Variants in LHFPL3 observed in about 807,000 individuals in gnomAD.
LHFPL3 encodes the protein LHFPL tetraspan subfamily member 3.
LHFPL3 carries 5 observed loss-of-function variants against 19.3 expected under a neutral mutation model. The ratio of observed to expected loss-of-function variants is 0.26; its 90% CI spans 0.14 to 0.54. LHFPL3 has a LOEUF of 0.54. Among genes scored for constraint, LHFPL3 ranks in the 20% least tolerant of loss-of-function variants. LHFPL3 has a pLI of 0.94. For synonymous variants in LHFPL3, 133 were observed against 126.2 expected, an observed-to-expected ratio of 1.05 and a Z score of -0.36; for missense variants, 249 against 307.4, an observed-to-expected ratio of 0.81 and a Z score of 1.42.
At chr7:104,383,326 T>G (rs981387776) in intron 1 of LHFPL3, among the ~76,000 whole-genome samples, 2 of 152,206 alleles carry the variant, frequency 1.3e-5, no homozygotes, top group Admixed American at 6.5e-5. Flanking sequence ...GGACCGTCAG[T>G]GCCTCTCACA....
At chr7:104,777,750 C>T (rs987094788) in intron 2 of LHFPL3, among the ~76,000 whole-genome samples, 8 of 152,022 alleles carry the variant, frequency 5.3e-5, no homozygotes, top group African/African-American at 1.7e-4. Flanking sequence ...CATTGATGAA[C>T]TTCTTTTTTT....
intron 1 of LHFPL3, among the ~76,000 whole-genome samples, chr7:104,524,541 T>C (rs1337730217): frequency 3.3e-5 from 5 of 152,172 alleles, no homozygotes; most frequent in Non-Finnish European, 7.3e-5. Context: ...TCTCTTCCTT[T>C]ATCCTCAGGC....
chr7:104,379,554 A>C (rs1482825755), intron 1 of LHFPL3, among the ~76,000 whole-genome samples: 2 of 152,220 alleles, frequency 1.3e-5, no homozygotes. Context: ...CAAGTCAATT[A>C]TTTAAATTGT....
At chr7:104,772,455 A>G (rs1278869970) in intron 2 of LHFPL3, among the ~76,000 whole-genome samples, 1 of 152,132 alleles carries the variant, frequency 6.6e-6, no homozygotes, top group Non-Finnish European at 1.5e-5. Context: ...TGCTCAGACA[A>G]TGGGCTCCGA....
chr7:104,338,531 T>C (rs546959681), intron 1 of LHFPL3, among the ~76,000 whole-genome samples: 2 of 152,312 alleles, frequency 1.3e-5, no homozygotes, highest in Admixed American at 1.3e-4. Flanking sequence ...GCAAAGATGA[T>C]TTAGTGTGAA....
At chr7:104,458,201 C>T (rs1792584770) in intron 1 of LHFPL3, among the ~76,000 whole-genome samples, 1 of 151,796 alleles carries the variant, frequency 6.6e-6, no homozygotes, top group South Asian at 2.1e-4. Flanking sequence ...ATGCCTATGT[C>T]CTGAATGGTA....
At chr7:104,430,421 T>TATATAC (rs1791961049) in intron 1 of LHFPL3, among the ~76,000 whole-genome samples, 1 of 11,614 alleles carries the variant, frequency 8.6e-5, no homozygotes, top group Non-Finnish European at 1.9e-4. Flanking sequence ...TATATATACA[T>TATATAC]ATATATATAT....
At chr7:104,772,559 G>C (rs1794571960) in intron 2 of LHFPL3, among the ~76,000 whole-genome samples, 1 of 152,192 alleles carries the variant, frequency 6.6e-6, no homozygotes, top group African/African-American at 2.4e-5. Flanking sequence ...TGCCACCCCA[G>C]CTCAGTCCTC....
At chr7:104,721,847 G>C (rs1415192652) in intron 1 of LHFPL3, among the ~76,000 whole-genome samples, 1 of 152,148 alleles carries the variant, frequency 6.6e-6, no homozygotes, top group Admixed American at 6.5e-5. Context: ...TGCCTGTAAA[G>C]TGTGCCCCAT....
chr7:104,837,356 T>G (rs1321690771), intron 2 of LHFPL3, among the ~76,000 whole-genome samples: 1 of 152,240 alleles, frequency 6.6e-6, no homozygotes, highest in Non-Finnish European at 1.5e-5. Context: ...TAGCACCTTT[T>G]CATTATCAAT....
chr7:104,434,680 A>G (rs962531783), intron 1 of LHFPL3, among the ~76,000 whole-genome samples: 1 of 152,170 alleles, frequency 6.6e-6, no homozygotes. Context: ...GAGGATGAGA[A>G]CCTTTCTAAA....
intron 2 of LHFPL3, among the ~76,000 whole-genome samples, chr7:104,870,912 C>T (rs889654854): frequency 1.3e-5 from 2 of 152,156 alleles, no homozygotes; most frequent in Non-Finnish European, 2.9e-5. Flanking sequence ...TCATCCTCAC[C>T]TAAGCAAGGC....
At chr7:104,635,743 G>C (rs1353877381) in intron 1 of LHFPL3, among the ~76,000 whole-genome samples, 5 of 152,166 alleles carry the variant, frequency 3.3e-5, no homozygotes, top group African/African-American at 9.7e-5. Flanking sequence ...ACCAAACATG[G>C]GAAAGAGGCA....
chr7:104,891,959 T>C (rs1277098780), intron 2 of LHFPL3, among the ~76,000 whole-genome samples: 1 of 152,242 alleles, frequency 6.6e-6, no homozygotes, highest in Non-Finnish European at 1.5e-5. Context: ...TTAATCCAGC[T>C]ACCAGGAATC....
chr7:104,533,275 C>G (rs2115851283), intron 1 of LHFPL3, among the ~76,000 whole-genome samples: 1 of 152,276 alleles, frequency 6.6e-6, no homozygotes, highest in Non-Finnish European at 1.5e-5. Flanking sequence ...TGTCATAGTT[C>G]TCCTCCTCCT....
At chr7:104,583,260 G>C (rs551394197) in intron 1 of LHFPL3, among the ~76,000 whole-genome samples, 3 of 152,172 alleles carry the variant, frequency 2.0e-5, no homozygotes, top group Non-Finnish European at 4.4e-5. Flanking sequence ...CTAGCCACAT[G>C]TAGAAAGCTG....
rs149125185 is a variant in LHFPL3 at position 104,527,693 on chromosome 7, G to A, written c.445+198469G>A. On this transcript the variant is annotated intron_variant, in intron 1 of 2. Coordinates refer to ENST00000424859, the MANE Select transcript of LHFPL3 (RefSeq NM_199000.3). ...AGCTGGATAGCAGAGGAGTGAAGGAGGGGGAGGAAGCCCAGGCTACAGACC... is the reference window on the plus strand; with the variant it reads ...AGCTGGATAGCAGAGGAGTGAAGGAAGGGGAGGAAGCCCAGGCTACAGACC... 1.9e-3 allele frequency among the ~76,000 whole-genome samples: 287 copies of A among 152,242 alleles called. 3 individuals carry two copies. The highest frequency in any genetic ancestry group is 6.1e-3 in the African/African-American group (252 of 41,556).
At chr7:104,707,165 G>C (rs1793206348) in intron 1 of LHFPL3, among the ~76,000 whole-genome samples, 1 of 152,176 alleles carries the variant, frequency 6.6e-6, no homozygotes, top group Non-Finnish European at 1.5e-5. Context: ...CAGATGGATG[G>C]AGACCTAGAT....
intron 1 of LHFPL3, among the ~76,000 whole-genome samples, chr7:104,430,424 A>ACG (rs1562895228): frequency 8.9e-5 from 1 of 11,216 alleles, no homozygotes; most frequent in African/African-American, 2.7e-4. Flanking sequence ...ATATACATAT[A>ACG]TATATATATA....
Sources: gnomAD v4.1 joint callset for allele counts (sites outside exome capture counted in the v4.1 genomes callset) on GRCh38, gnomAD v4.1.1 for gene constraint, MANE v1.5 for transcripts, NCBI Gene and HGNC (gene_info 2026-07-23, HGNC 2026-07-21) for gene names.